Variants in LIPI observed in about 807,000 individuals in gnomAD.
LIPI encodes the protein lipase member I.
Under a neutral mutation model 50.6 loss-of-function variants are expected in LIPI, and 59 were observed. The ratio of observed to expected loss-of-function variants is 1.16; its 90% CI spans 0.94 to 1.45. LIPI has a LOEUF of 1.45. Ranked by LOEUF, LIPI falls within the 40% of genes most tolerant of loss-of-function variation. LIPI has a pLI of 0.00. For missense variants in LIPI, 586 were observed against 536.3 expected (o/e 1.09, Z -0.92); for synonymous variants, 203 against 178.2 (o/e 1.14, Z -1.11).
intron 9 of LIPI, chr21:14,143,477 TC>T (rs2017788179): frequency 6.6e-6 from 1 of 152,178 alleles, no homozygotes; most frequent in Non-Finnish European, 1.5e-5. Context: ...TATATTATTA[TC>T]ATTTATTATT....
chr21:14,184,039 C>T (rs1169541445), intron 3 of LIPI, among the ~76,000 whole-genome samples: 8 of 152,032 alleles, frequency 5.3e-5, no homozygotes, highest in South Asian at 2.1e-4. Flanking sequence ...ATGTTTATAG[C>T]GGCACTATTC....
chr21:14,172,590 A>C (rs1317449827), intron 4 of LIPI, among the ~76,000 whole-genome samples: 2 of 152,034 alleles, frequency 1.3e-5, no homozygotes, highest in Non-Finnish European at 2.9e-5. Flanking sequence ...ATTGGAAATC[A>C]TCATTCTCGG....
At chr21:14,114,216 C>T (rs62208638) in intron 9 of LIPI, among the ~76,000 whole-genome samples, 26,635 of 151,248 alleles carry the variant, frequency 0.18, 3,089 homozygotes, top group Non-Finnish European at 0.26. Flanking sequence ...TGGGAACTAA[C>T]TATCACAGGA....
chr21:14,125,311 G>C (rs2017017060), intron 9 of LIPI, among the ~76,000 whole-genome samples: 1 of 152,132 alleles, frequency 6.6e-6, no homozygotes, highest in African/African-American at 2.4e-5. Flanking sequence ...CTATTGTAAA[G>C]TTCTCATCTT....
intron 4 of LIPI, among the ~76,000 whole-genome samples, chr21:14,172,824 A>G (rs1460851353): frequency 1.3e-5 from 2 of 152,092 alleles, no homozygotes; most frequent in Non-Finnish European, 2.9e-5. Context: ...TATGTAACTA[A>G]CCTGCACATT....
rs3048482 is a variant in LIPI at position 14,146,772 on chromosome 21, A to ATTTTTTTTTTTTTTTTTTTTTT, written c.1119-1995_1119-1974dup. Among the ~76,000 whole-genome samples the ATTTTTTTTTTTTTTTTTTTTTT allele has an allele frequency of 6.8e-5, 5 of 73,372 alleles. 2 individuals are homozygous for ATTTTTTTTTTTTTTTTTTTTTT. The highest frequency in any genetic ancestry group is 1.2e-4 in the African/African-American group (2 of 16,514). The allele number at this position is 73,372 out of a possible 152,430, so 48.1% of individuals were successfully genotyped here. ...TCTCTTTCTTACTTTCCCAGTCTCT[A>ATTTTTTTTTTTTTTTTTTTTTT]TTTTTTTTTTTTTTTTTTTTTTTTT... On this transcript the variant is annotated intron_variant, in intron 8 of 9. Transcript: ENST00000681601.
chr21:14,171,702 T>C (rs954587535), intron 4 of LIPI, among the ~76,000 whole-genome samples: 7 of 151,808 alleles, frequency 4.6e-5, no homozygotes, highest in African/African-American at 1.2e-4. Context: ...TTACACCTTA[T>C]ACAAAAATTA....
chr21:14,197,230 T>C lies in LIPI; in HGVS notation c.47-7811A>G, dbSNP rs139912326. Among the ~76,000 whole-genome samples the C allele has an allele frequency of 2.3e-3, 353 of 152,092 alleles. 2 individuals are homozygous for C. Among genetic ancestry groups the C allele is most frequent in the African/African-American group, 8.2e-3 (342 of 41,546 alleles). ...GAATGCTTTTTTATTTTATGCCAAT[T>C]GGAATCATCATACTAATGATAAAAC... On this transcript the variant is annotated intron_variant, in intron 1 of 9. Transcript: ENST00000681601.
intron 9 of LIPI, among the ~76,000 whole-genome samples, chr21:14,121,605 C>T (rs1017515224): frequency 4.6e-5 from 7 of 152,118 alleles, no homozygotes; most frequent in South Asian, 2.1e-4. Flanking sequence ...TCCCTTTAAA[C>T]CTGCTGACTC....
chr21:14,118,980 T>TG (rs550854295), intron 9 of LIPI, among the ~76,000 whole-genome samples: 183 of 152,338 alleles, frequency 1.2e-3, no homozygotes, highest in Non-Finnish European at 1.9e-3. Flanking sequence ...AACGAGGTGG[T>TG]GGCTACACTG....
intron 4 of LIPI, among the ~76,000 whole-genome samples, chr21:14,173,993 A>G (rs2019007865): frequency 6.6e-6 from 1 of 152,186 alleles, no homozygotes; most frequent in Non-Finnish European, 1.5e-5. Context: ...ATAAGACCAA[A>G]AAGTTTTTAA....
At chr21:14,120,803 T>A (rs2822419) in intron 9 of LIPI, among the ~76,000 whole-genome samples, 76,122 of 149,598 alleles carry the variant, frequency 0.51, 19,169 homozygotes, top group East Asian at 0.6. Flanking sequence ...CAATTTATAA[T>A]GCAGTTTCAC....
At chr21:14,119,009 C>G (rs949143621) in intron 9 of LIPI, among the ~76,000 whole-genome samples, 9 of 152,218 alleles carry the variant, frequency 5.9e-5, no homozygotes, top group African/African-American at 2.2e-4. Context: ...TGTGCCTAAC[C>G]TGTACGCTAT....
intron 9 of LIPI, among the ~76,000 whole-genome samples, chr21:14,118,169 C>T (rs1027668779): frequency 2.6e-5 from 4 of 152,058 alleles, no homozygotes; most frequent in South Asian, 2.1e-4. Context: ...TAAGATCTGA[C>T]GTGGATCTAA....
At chr21:14,156,909 G>T (rs2018292974) in intron 7 of LIPI, among the ~76,000 whole-genome samples, 1 of 151,874 alleles carries the variant, frequency 6.6e-6, no homozygotes, top group Non-Finnish European at 1.5e-5. Flanking sequence ...AATGAATAAG[G>T]ATGTTAATCT....
intron 1 of LIPI, among the ~76,000 whole-genome samples, chr21:14,206,117 A>C (rs2020219018): frequency 6.6e-6 from 1 of 152,146 alleles, no homozygotes; most frequent in Non-Finnish European, 1.5e-5. Flanking sequence ...ATTCTCTCTG[A>C]AACATATTTC....
At chr21:14,110,870 A>C (rs1222234737) in intron 9 of LIPI, among the ~76,000 whole-genome samples, 2 of 149,688 alleles carry the variant, frequency 1.3e-5, no homozygotes, top group Non-Finnish European at 3.0e-5. Flanking sequence ...TCTATCATCT[A>C]TCTCTCTCTA....
At chr21:14,121,985 AG>A (rs1389248123) in intron 9 of LIPI, among the ~76,000 whole-genome samples, 3 of 152,226 alleles carry the variant, frequency 2.0e-5, no homozygotes, top group African/African-American at 7.2e-5. Flanking sequence ...AGTTGGTGCT[AG>A]ATAAGTAAAT....
chr21:14,131,291 T>G (rs1386308281), intron 9 of LIPI, among the ~76,000 whole-genome samples: 1 of 152,056 alleles, frequency 6.6e-6, no homozygotes. Flanking sequence ...CTGGGGCCAG[T>G]ATAGGCTGTT....
Sources: gnomAD v4.1 joint callset for allele counts (sites outside exome capture counted in the v4.1 genomes callset) on GRCh38, gnomAD v4.1.1 for gene constraint, MANE v1.5 for transcripts, NCBI Gene and HGNC (gene_info 2026-07-23, HGNC 2026-07-21) for gene names.